Variants in GPSM2 observed in about 807,000 individuals in gnomAD.
The protein encoded by GPSM2 is G protein signaling modulator 2, also known as G protein-signaling modulator 2.
A neutral mutation model predicts 78.4 loss-of-function variants in GPSM2; 58 were observed. That is an observed-to-expected ratio of 0.74 (90% CI 0.60 to 0.92). GPSM2 has a LOEUF of 0.92. Ranked by LOEUF, GPSM2 falls within the 40% of genes least tolerant of loss-of-function variation. The pLI is 0.00. For synonymous variants in GPSM2, 224 were observed against 280.2 expected, an observed-to-expected ratio of 0.80 and a Z score of 2.00; for missense variants, 700 against 815.5, an observed-to-expected ratio of 0.86 and a Z score of 1.73.
chr1:108,915,144 G>A (rs1650082493), intron 11 of GPSM2, among the ~76,000 whole-genome samples: 3 of 151,886 alleles, frequency 2.0e-5, no homozygotes, highest in Admixed American at 6.6e-5. Flanking sequence ...AGGCCGAGGT[G>A]GGTGGATCAC....
chr1:108,886,744 A>G (rs1358733439), intron 2 of GPSM2, among the ~76,000 whole-genome samples: 3 of 152,196 alleles, frequency 2.0e-5, no homozygotes, highest in Non-Finnish European at 2.9e-5. Context: ...CAAATCAGAC[A>G]TACACATCAG....
chr1:108,919,737 T>C (rs992272355), intron 12 of GPSM2, among the ~76,000 whole-genome samples: 11 of 152,000 alleles, frequency 7.2e-5, no homozygotes, highest in Non-Finnish European at 1.3e-4. Context: ...TAACAATCAG[T>C]TTATTTAATT....
At chr1:108,890,675 T>C (rs1280846003) in intron 2 of GPSM2, among the ~76,000 whole-genome samples, 4 of 152,250 alleles carry the variant, frequency 2.6e-5, no homozygotes, top group Non-Finnish European at 5.9e-5. Flanking sequence ...TAAATCCTTA[T>C]GAAATGTTTT....
intron 3 of GPSM2, 134 bp from the exon 4 acceptor site, chr1:108,897,358 C>G (rs1648447940): frequency 2.5e-6 from 2 of 815,338 alleles, no homozygotes; most frequent in Admixed American, 2.6e-5. Context: ...GGTTTCAAAG[C>G]CAATGGGTTT....
intron 10 of GPSM2, among the ~76,000 whole-genome samples, chr1:108,910,640 G>A (rs538907678): frequency 3.3e-5 from 5 of 152,206 alleles, no homozygotes; most frequent in African/African-American, 9.6e-5. Flanking sequence ...TGAGGCGGGC[G>A]GATCATGAGG....
chr1:108,883,001 C>A (rs1028639969), intron 1 of GPSM2, among the ~76,000 whole-genome samples: 2 of 152,104 alleles, frequency 1.3e-5, no homozygotes, highest in African/African-American at 4.8e-5. Context: ...TTCCAGGCTG[C>A]AGTGTGCTAT....
rs1651664743 is a variant in GPSM2, at chr1:108,930,090, C to T, written c.*150C>T. 1 of 731,410 alleles carries T rather than the reference C, an allele frequency of 1.4e-6. No individual in the cohort carries two copies. The highest frequency in any genetic ancestry group is 2.7e-5 in the Admixed American group (1 of 36,384). The allele number at this position is 731,410 out of a possible 1,614,324, so 45.3% of individuals were successfully genotyped here. A position where few individuals can be genotyped will look rare whatever the true frequency, so the allele number is the denominator to read the frequency against. ...GTTAACCTTCAGTAGTCTATTAAGG[C>T]ATTAATACTTCTCTGGACATGCGCG... On this transcript the variant is annotated 3_prime_UTR_variant, in exon 15 of 15. Transcript: ENST00000264126.
intron 14 of GPSM2, among the ~76,000 whole-genome samples, chr1:108,927,717 C>A (rs1466509972): frequency 1.3e-5 from 2 of 152,166 alleles, no homozygotes. Context: ...TACCTGTAAT[C>A]CCAGCACTTT....
Position 108,933,650 on chromosome 1 carries a change from A to G in GPSM2, c.*3710A>G, listed in dbSNP as rs112915755. The G allele has an allele frequency of 2.6e-5, 4 of 152,372 alleles. No homozygotes were observed. The highest frequency in any genetic ancestry group is 9.6e-5 in the African/African-American group (4 of 41,590). The allele number at this position is 152,372 out of a possible 1,614,324, so 9.4% of individuals were successfully genotyped here. On this transcript the variant is annotated 3_prime_UTR_variant, in exon 15 of 15. Coordinates refer to ENST00000264126, the MANE Select transcript of GPSM2 (RefSeq NM_013296.5). ...ATATGGTTAAAACAAAGGACACCTG[A>G]TGTCTGTGAAGTCTGCTAAGGACAG... is the stretch of plus-strand genomic sequence containing the variant.
At chr1:108,917,645 TATATATATATATATATATATAA>T (rs1650363674) in intron 11 of GPSM2, among the ~76,000 whole-genome samples, 1 of 26,660 alleles carries the variant, frequency 3.8e-5, no homozygotes, top group Non-Finnish European at 6.2e-5. Context: ...TATATATATA[TATATATATATATATATATATAA>T]ATGAGTTCTC....
chr1:108,898,052 T>C lies in GPSM2; in HGVS notation c.508T>C (p.Phe170Leu). 1 of 1,614,086 alleles carries C rather than the reference T, an allele frequency of 6.2e-7. No homozygotes were observed. The highest frequency in any genetic ancestry group is 8.5e-7 in the Non-Finnish European group (1 of 1,179,946). ...GCPGPQDVGE[F>L]PEEVRDALQA... ...CCCTGGTCCCCAGGATGTAGGAGAA[T>C]TTCCAGAAGAAGTGAGAGATGCTCT... is the stretch of plus-strand genomic sequence containing the variant. Residue 170 changes from phenylalanine (F) to leucine (L), a missense_variant, in exon 5 of 15, where the codon TTT becomes CTT. Physicochemically the swap from Phe to Leu is conservative, Grantham distance 22 (BLOSUM62 0). Transcript: ENST00000264126.
At chr1:108,890,195 C>T (rs1361178375) in intron 2 of GPSM2, among the ~76,000 whole-genome samples, 1 of 152,124 alleles carries the variant, frequency 6.6e-6, no homozygotes, top group Non-Finnish European at 1.5e-5. Flanking sequence ...TGCTCCCTTC[C>T]TCCTCACCTC....
chr1:108,903,244 T>TA lies in GPSM2; in HGVS notation c.1062+18dup, dbSNP rs747895969. 45 of 1,409,256 alleles carry TA rather than the reference T, an allele frequency of 3.2e-5. No individual in the cohort carries two copies. Among genetic ancestry groups the TA allele is most frequent in the Non-Finnish European group, 3.8e-5 (38 of 994,086 alleles). The allele number at this position is 1,409,256 out of a possible 1,614,324, so 87.3% of individuals were successfully genotyped here. A position where few individuals can be genotyped will look rare whatever the true frequency, so the allele number is the denominator to read the frequency against. ...GGAAATTTCAAGAGAGGTATGAAAC[T>TA]AAAAAAAATGCTGTCTGTGCTATTG... On this transcript the variant is annotated intron_variant, in intron 9 of 14. Transcript: ENST00000264126.
rs1650938243 is a variant in GPSM2, at chr1:108,924,014, G to A, written c.1615G>A (p.Val539Met). 6 of 1,606,626 alleles carry A rather than the reference G, an allele frequency of 3.7e-6. No individual in the cohort carries two copies. The East Asian group carries it at 1.1e-4, about 30-fold the overall frequency. ...TCTGTTCTTAGCATCATCTGTTCCTGTGGTATCCCCCAACACGGATGAGTT... is the reference window on the plus strand; with the variant it reads ...TCTGTTCTTAGCATCATCTGTTCCTATGGTATCCCCCAACACGGATGAGTT... ...KMMLKTSSVP[V>M]VSPNTDEFLD... Residue 539 changes from valine to methionine, a missense_variant, in exon 14 of 15, where the codon GTG becomes ATG. Val to Met is a conservative substitution (Grantham distance 21). Transcript: ENST00000264126.
chr1:108,899,742 C>T (rs893010716), intron 7 of GPSM2, among the ~76,000 whole-genome samples: 19 of 151,980 alleles, frequency 1.3e-4, no homozygotes, highest in African/African-American at 3.4e-4. Flanking sequence ...TTGACTAAAC[C>T]GAAGACACAG....
At position 108,933,135 on chromosome 1, in the gene GPSM2, G is replaced by A. The variant is rs1031503160; in HGVS notation, c.*3195G>A. 1.1e-4 allele frequency: 16 copies of A among 150,934 alleles called. No homozygotes were observed. Among genetic ancestry groups the A allele is most frequent in the African/African-American group, 3.9e-4 (16 of 40,894 alleles). The allele number at this position is 150,934 out of a possible 1,614,324, so 9.3% of individuals were successfully genotyped here. On this transcript the variant is annotated 3_prime_UTR_variant, in exon 15 of 15. Coordinates refer to ENST00000264126, the MANE Select transcript of GPSM2 (RefSeq NM_013296.5). ...CAAAGTGCTAGGACTGTAGGCATGA[G>A]CCACTGCACCTGGCCTAAAATTACA...
Position 108,933,038 on chromosome 1 carries a change from G to A in GPSM2, c.*3098G>A, listed in dbSNP as rs895185403. ...TGGGACTACAGGCGTGTACCACCAT[G>A]CCTGGCTAGTTTTATTTTTAGTACA... On this transcript the variant is annotated 3_prime_UTR_variant, in exon 15 of 15. Transcript: ENST00000264126. 1 of 152,200 alleles carries A rather than the reference G, an allele frequency of 6.6e-6. No homozygotes were observed. The highest frequency in any genetic ancestry group is 1.5e-5 in the Non-Finnish European group (1 of 68,074). The allele number at this position is 152,200 out of a possible 1,614,324, so 9.4% of individuals were successfully genotyped here.
intron 10 of GPSM2, among the ~76,000 whole-genome samples, chr1:108,909,440 T>C (rs1649526935): frequency 1.3e-5 from 2 of 152,210 alleles, no homozygotes; most frequent in East Asian, 3.8e-4. Context: ...ATTAATAAGA[T>C]AATATATAAA....
chr1:108,889,334 T>C (rs529714455), intron 2 of GPSM2, among the ~76,000 whole-genome samples: 1 of 152,310 alleles, frequency 6.6e-6, no homozygotes, highest in South Asian at 2.1e-4. Flanking sequence ...TTAGAACTTT[T>C]TAAAAGAGGC....
Sources: allele counts gnomAD v4.1 joint callset (sites outside exome capture counted in the v4.1 genomes callset), GRCh38; gene constraint gnomAD v4.1.1; transcripts MANE v1.5; gene names NCBI Gene and HGNC (gene_info 2026-07-23, HGNC 2026-07-21).